NBAS: variants seen among roughly 807,000 people sequenced by gnomAD.
NBAS encodes the protein NAG/BC035112 fusion.
NBAS carries 219 observed loss-of-function variants against 302.5 expected under a neutral mutation model. The ratio of observed to expected loss-of-function variants is 0.72; its 90% confidence interval spans 0.65 to 0.81. The LOEUF is 0.81. Among genes scored for constraint, NBAS ranks in the 30% least tolerant of loss-of-function variants. The pLI is 0.00. For synonymous variants in NBAS, 1,118 were observed against 1,021.6 expected (o/e 1.09, Z -1.80); for missense variants, 2,932 against 2,841.6 (o/e 1.03, Z -0.72).
the NBAS span, among the ~76,000 whole-genome samples, chr2:14,896,234 T>C: frequency 0.28 from 41,793 of 151,614 alleles, 9,590 homozygotes; most frequent in African/African-American, 0.64. Flanking sequence ...CAGTAGAGCC[T>C]CACTTTGCCC....
At chr2:14,947,840 T>C in the NBAS span, among the ~76,000 whole-genome samples, 1 of 152,098 alleles carries the variant, frequency 6.6e-6, no homozygotes, top group Non-Finnish European at 1.5e-5. Flanking sequence ...GGATGTTTAA[T>C]TTTATTAAAT....
At chr2:15,104,241 G>C in the NBAS span, among the ~76,000 whole-genome samples, 2 of 152,144 alleles carry the variant, frequency 1.3e-5, no homozygotes, top group African/African-American at 4.8e-5. Context: ...TGTCATGATT[G>C]TGAGGTCTCC....
At chr2:15,262,328 C>A (rs1240672259) in intron 44 of NBAS, among the ~76,000 whole-genome samples, 2 of 152,198 alleles carry the variant, frequency 1.3e-5, no homozygotes, top group Non-Finnish European at 2.9e-5. Context: ...CTGCTGCTTG[C>A]ACAGCCAGCC....
the NBAS span, among the ~76,000 whole-genome samples, chr2:14,938,774 A>C: frequency 6.6e-6 from 1 of 152,220 alleles, no homozygotes; most frequent in African/African-American, 2.4e-5. Flanking sequence ...ATTAAGGGTT[A>C]TTGTGTTTAA....
chr2:15,190,332 G>A lies in NBAS; in HGVS notation c.6504C>T (p.His2168=). The A allele has an allele frequency of 1.9e-6, 3 of 1,613,994 alleles. No homozygotes were observed. Among genetic ancestry groups the A allele is most frequent in the Non-Finnish European group, 1.7e-6 (2 of 1,179,954 alleles). Residue 2168 remains histidine, a synonymous_variant, in exon 49 of 52, where the codon CAC becomes CAT. Transcript: ENST00000281513. ...CCAAGTGCTGAAATTCAGCCTCGTG[G>A]TGACTAGATTCCAGGAGTTCCATGA... ...CLFMELLESS[H]HEAEFQHLVL...
At chr2:14,794,678 C>A in the NBAS span, among the ~76,000 whole-genome samples, 4 of 152,106 alleles carry the variant, frequency 2.6e-5, no homozygotes, top group East Asian at 5.8e-4. Flanking sequence ...ACTCTTGAAC[C>A]AATTCCTGCA....
intron 32 of NBAS, among the ~76,000 whole-genome samples, chr2:15,358,317 T>C (rs1019010320): frequency 9.2e-5 from 14 of 152,118 alleles, no homozygotes; most frequent in African/African-American, 3.4e-4. Context: ...CTTGTGCCTC[T>C]GCTGTCTCCC....
chr2:15,046,210 A>G, the NBAS span, among the ~76,000 whole-genome samples: 4 of 152,206 alleles, frequency 2.6e-5, no homozygotes, highest in Non-Finnish European at 4.4e-5. Flanking sequence ...TACTCCTTTC[A>G]TCTCTCTACA....
chr2:15,340,926 T>C (rs894917777), intron 35 of NBAS, among the ~76,000 whole-genome samples: 1 of 152,012 alleles, frequency 6.6e-6, no homozygotes, highest in Non-Finnish European at 1.5e-5. Context: ...TCTGGTAAAA[T>C]GGTGACGAAA....
chr2:15,013,224 G>C, the NBAS span, among the ~76,000 whole-genome samples: 3 of 152,112 alleles, frequency 2.0e-5, no homozygotes, highest in Non-Finnish European at 4.4e-5. Flanking sequence ...CTTACATGTG[G>C]AAGTGAAAAG....
intron 10 of NBAS, among the ~76,000 whole-genome samples, chr2:15,510,931 GT>G (rs1423489150): frequency 6.6e-6 from 1 of 152,134 alleles, no homozygotes; most frequent in Admixed American, 6.5e-5. Context: ...CTTAATACAT[GT>G]TTTCATCTAA....
the NBAS span, among the ~76,000 whole-genome samples, chr2:14,917,884 G>T: frequency 1.5e-3 from 227 of 152,236 alleles, no homozygotes; most frequent in African/African-American, 4.6e-3. Context: ...CCAGGTAAAG[G>T]CACTCAATTT....
At chr2:15,146,108 G>A in the NBAS span, among the ~76,000 whole-genome samples, 1 of 152,180 alleles carries the variant, frequency 6.6e-6, no homozygotes, top group South Asian at 2.1e-4. Flanking sequence ...CAAAGTCAGG[G>A]GCTGGCTGGC....
intron 30 of NBAS, among the ~76,000 whole-genome samples, chr2:15,376,924 C>A (rs1171080433): frequency 5.9e-5 from 9 of 151,844 alleles, no homozygotes; most frequent in African/African-American, 2.2e-4. Flanking sequence ...ATCAAAATAT[C>A]AAAATAAATT....
chr2:15,433,517 AATG>A (rs1198991529), intron 21 of NBAS, among the ~76,000 whole-genome samples: 1 of 152,200 alleles, frequency 6.6e-6, no homozygotes, highest in Non-Finnish European at 1.5e-5. Flanking sequence ...TAATTATATC[AATG>A]ATTACATTTC....
chr2:15,211,448 C>T (rs1257129653), intron 48 of NBAS, among the ~76,000 whole-genome samples: 1 of 152,148 alleles, frequency 6.6e-6, no homozygotes, highest in African/African-American at 2.4e-5. Context: ...AAAAAGTATA[C>T]AGAATACTTT....
In NBAS at chr2:15,556,781, A is replaced by G. The variant is rs773409140; in HGVS notation, c.209+2T>C. The G allele has an allele frequency of 6.2e-7, 1 of 1,609,092 alleles. No individual in the cohort carries two copies. The highest frequency in any genetic ancestry group is 2.2e-5 in the East Asian group (1 of 44,738). On this transcript the variant is annotated splice_donor_variant, in intron 3 of 51. Transcript: ENST00000281513. LOFTEE classifies it high-confidence loss of function. ...TGTTTCTCTGAAGAACCGAAGACTC[A>G]CCTGTACCAGATGTATTGGCGTAAA...
At chr2:15,395,587 T>C (rs771555312) in intron 27 of NBAS, among the ~76,000 whole-genome samples, 2 of 152,094 alleles carry the variant, frequency 1.3e-5, no homozygotes, top group Non-Finnish European at 2.9e-5. Context: ...AAACATTCTG[T>C]TCCCTTAAAG....
chr2:15,070,397 C>A, the NBAS span, among the ~76,000 whole-genome samples: 2 of 151,932 alleles, frequency 1.3e-5, no homozygotes, highest in Non-Finnish European at 2.9e-5. Flanking sequence ...CAGCTCCTGC[C>A]CCTGCTGTTG....
Sources: allele counts gnomAD v4.1 joint callset (sites outside exome capture counted in the v4.1 genomes callset), GRCh38; gene constraint gnomAD v4.1.1; transcripts MANE v1.5; gene names NCBI Gene and HGNC (gene_info 2026-07-23, HGNC 2026-07-21).